Variants in FREM2 observed in about 807,000 individuals in gnomAD.
FREM2 encodes the protein FRAS1 related extracellular matrix 2, also known as FRAS1-related extracellular matrix protein 2.
FREM2 carries 119 observed loss-of-function variants against 219.9 expected under a neutral mutation model. The ratio of observed to expected loss-of-function variants is 0.54; its 90% CI spans 0.47 to 0.63. The LOEUF is 0.63. Among genes scored for constraint, FREM2 ranks in the 30% least tolerant of loss-of-function variants. FREM2 has a pLI of 0.00. For synonymous variants in FREM2, 1,562 were observed against 1,522.8 expected, an observed-to-expected ratio of 1.03 and a Z score of -0.60; for missense variants, 4,030 against 3,993.6, an observed-to-expected ratio of 1.01 and a Z score of -0.25.
At chr13:38,752,023 A>G (rs548934246) in intron 2 of FREM2, among the ~76,000 whole-genome samples, 1 of 152,354 alleles carries the variant, frequency 6.6e-6, no homozygotes, top group South Asian at 2.1e-4. Flanking sequence ...CAATCACCAA[A>G]GGGTTCAACT....
chr13:38,842,281 T>G (rs904365507), intron 6 of FREM2, among the ~76,000 whole-genome samples: 1 of 151,830 alleles, frequency 6.6e-6, no homozygotes, highest in Non-Finnish European at 1.5e-5. Context: ...GCAAAGGGAG[T>G]ACTATGATGA....
chr13:38,869,613 C>G (rs1245755091), intron 16 of FREM2, among the ~76,000 whole-genome samples: 1 of 152,080 alleles, frequency 6.6e-6, no homozygotes, highest in East Asian at 1.9e-4. Flanking sequence ...ATATTTAACT[C>G]TAAAATCATT....
rs1877171923 is a variant in FREM2 at position 38,846,726 on chromosome 13, A to G, written c.6169+4A>G. ...ACAGATCCTCCCTCTGCAGATGGTGAGCAGTTTCCCACTCGGCTCTTTTGA... is the reference window on the plus strand; with the variant it reads ...ACAGATCCTCCCTCTGCAGATGGTGGGCAGTTTCCCACTCGGCTCTTTTGA... On this transcript the variant is annotated splice_donor_region_variant and intron_variant, in intron 7 of 23. Transcript: ENST00000280481. The G allele has an allele frequency of 6.2e-7, 1 of 1,613,508 alleles. No individual in the cohort carries two copies. Among genetic ancestry groups the G allele is most frequent in the South Asian group, 1.1e-5 (1 of 91,074 alleles).
chr13:38,816,566 G>T (rs1875775535), intron 6 of FREM2, among the ~76,000 whole-genome samples: 1 of 152,058 alleles, frequency 6.6e-6, no homozygotes, highest in African/African-American at 2.4e-5. Flanking sequence ...GATTCACATG[G>T]TACTTACCTC....
At chr13:38,809,516 T>C (rs892948596) in intron 6 of FREM2, among the ~76,000 whole-genome samples, 2 of 152,020 alleles carry the variant, frequency 1.3e-5, no homozygotes, top group South Asian at 2.1e-4. Context: ...AGGCGAGAGA[T>C]AGGGATTAAG....
At position 38,861,515 on chromosome 13, in the gene FREM2, A is replaced by G. The variant is rs760559165; in HGVS notation, c.7604A>G (p.Asp2535Gly). 6.2e-7 allele frequency: 1 copy of G among 1,613,872 alleles called. No individual in the cohort carries two copies. Among genetic ancestry groups the G allele is most frequent in the Admixed American group, 1.7e-5 (1 of 59,992 alleles). ...KLRYTGPEDADYTNLIKLTVT... is the reference protein window; with the variant it reads ...KLRYTGPEDAGYTNLIKLTVT... The stretch of plus-strand genomic sequence containing the variant: ...CGCTACACAGGCCCTGAGGATGCAG[A>G]CTACACAAACCTTATCAAGCTCACT... Residue 2535 changes from aspartate to glycine, a missense_variant, in exon 15 of 24, where the codon GAC (aspartate) becomes GGC (glycine). Asp to Gly is a moderately conservative substitution (Grantham distance 94, BLOSUM62 -1). Coordinates refer to ENST00000280481, the MANE Select transcript of FREM2 (RefSeq NM_207361.6).
intron 6 of FREM2, among the ~76,000 whole-genome samples, chr13:38,786,167 G>C (rs1874321644): frequency 6.6e-6 from 1 of 152,080 alleles, no homozygotes; most frequent in African/African-American, 2.4e-5. Flanking sequence ...CTCTTATCTA[G>C]CTGTAATTTT....
rs1878714144 is a variant in FREM2 at position 38,886,046 on chromosome 13, A to G, written c.*5259A>G. 5 of 152,162 alleles carry G rather than the reference A, an allele frequency of 3.3e-5. No individual in the cohort carries two copies. Among genetic ancestry groups the G allele is most frequent in the Non-Finnish European group, 5.9e-5 (4 of 68,020 alleles). 9.4% of individuals were successfully genotyped at this position (152,162 alleles called of 1,614,324 possible). On this transcript the variant is annotated 3_prime_UTR_variant, in exon 24 of 24. Coordinates refer to ENST00000280481, the MANE Select transcript of FREM2 (RefSeq NM_207361.6). ...ATTGTCACAGTTTAAGTGAATTTCTACTATGGATCTTTATTTTCCCCAATG... is the reference window on the plus strand; with the variant it reads ...ATTGTCACAGTTTAAGTGAATTTCTGCTATGGATCTTTATTTTCCCCAATG...
At position 38,813,464 on chromosome 13, in the gene FREM2, TTCTCTCTCTCTCTC is replaced by T. The variant is rs1170570605; in HGVS notation, c.6019+28697_6019+28710del. Among the ~76,000 whole-genome samples the T allele has an allele frequency of 3.5e-3, 209 of 60,422 alleles. 20 individuals carry two copies. The highest frequency in any genetic ancestry group is 0.014 in the African/African-American group (200 of 13,980). The allele number at this position is 60,422 out of a possible 152,430, so 39.6% of individuals were successfully genotyped here. ...GCAGCTTTATTATATGTTATTTGTT[TTCTCTCTCTCTCTC>T]TCTCTCTCTCTCTCTCTCTCTCTCT... On this transcript the variant is annotated intron_variant, in intron 6 of 23. Transcript: ENST00000280481.
intron 6 of FREM2, among the ~76,000 whole-genome samples, chr13:38,803,312 A>C (rs1309360527): frequency 1.3e-5 from 2 of 152,204 alleles, no homozygotes; most frequent in African/African-American, 2.4e-5. Context: ...AGCTGAGGCC[A>C]AAGCTTTTCT....
At chr13:38,723,528 A>G (rs910027959) in intron 2 of FREM2, among the ~76,000 whole-genome samples, 4 of 152,170 alleles carry the variant, frequency 2.6e-5, no homozygotes, top group Non-Finnish European at 5.9e-5. Flanking sequence ...ATGTGTGGAA[A>G]AGATTTTTAG....
intron 6 of FREM2, among the ~76,000 whole-genome samples, chr13:38,839,531 G>T (rs1046466637): frequency 2.6e-5 from 4 of 152,192 alleles, no homozygotes; most frequent in Admixed American, 6.5e-5. Context: ...TGGCAGGCAG[G>T]AACATTTAAG....
At chr13:38,840,082 G>A (rs1310991703) in intron 6 of FREM2, among the ~76,000 whole-genome samples, 1 of 152,174 alleles carries the variant, frequency 6.6e-6, no homozygotes, top group African/African-American at 2.4e-5. Flanking sequence ...GGCCCTGGTG[G>A]TATAGGCACC....
At chr13:38,746,192 C>T (rs564390679) in intron 2 of FREM2, among the ~76,000 whole-genome samples, 2 of 152,204 alleles carry the variant, frequency 1.3e-5, no homozygotes, top group Admixed American at 1.3e-4. Context: ...AACATAGGCT[C>T]GATAACTGTG....
intron 1 of FREM2, among the ~76,000 whole-genome samples, chr13:38,696,495 A>G (rs1176034104): frequency 6.6e-6 from 1 of 152,208 alleles, no homozygotes; most frequent in African/African-American, 2.4e-5. Flanking sequence ...CACACTAGAC[A>G]GATAAATATT....
chr13:38,850,197 G>C lies in FREM2; in HGVS notation c.6539G>C (p.Arg2180Pro), dbSNP rs140528316. ...CAGGTGATGATGGACTTTGAAGAAC[G>C]CCCAAACACTGATACCTCCATCATC... ...SAQVMMDFEERPNTDTSIITF... is the reference protein window; with the variant it reads ...SAQVMMDFEEPPNTDTSIITF... Residue 2180 changes from arginine to proline, a missense_variant, in exon 9 of 24, where the codon CGC becomes CCC. By Grantham distance (103) the Arg-to-Pro change is moderately radical (BLOSUM62 -2). Coordinates refer to ENST00000280481, the MANE Select transcript of FREM2 (RefSeq NM_207361.6). The C allele has an allele frequency of 6.2e-7, 1 of 1,613,898 alleles. No individual in the cohort carries two copies. The highest frequency in any genetic ancestry group is 8.5e-7 in the Non-Finnish European group (1 of 1,179,896).
At chr13:38,788,091 C>A (rs1874405088) in intron 6 of FREM2, among the ~76,000 whole-genome samples, 1 of 152,100 alleles carries the variant, frequency 6.6e-6, no homozygotes, top group Non-Finnish European at 1.5e-5. Flanking sequence ...TCTTTCATAT[C>A]CTGGCACTCA....
chr13:38,739,663 T>C (rs1872157143), intron 2 of FREM2, among the ~76,000 whole-genome samples: 1 of 152,130 alleles, frequency 6.6e-6, no homozygotes, highest in South Asian at 2.1e-4. Flanking sequence ...TCTTTCGTGG[T>C]CACTACATAC....
intron 6 of FREM2, among the ~76,000 whole-genome samples, chr13:38,804,297 A>G (rs1388909259): frequency 6.6e-6 from 1 of 151,560 alleles, no homozygotes; most frequent in Non-Finnish European, 1.5e-5. Flanking sequence ...GATTCACTGA[A>G]TAGTAAAAAT....
Sources: gnomAD v4.1 joint callset for allele counts (sites outside exome capture counted in the v4.1 genomes callset) on GRCh38, gnomAD v4.1.1 for gene constraint, MANE v1.5 for transcripts, NCBI Gene and HGNC (gene_info 2026-07-23, HGNC 2026-07-21) for gene names.